BCL2: variants seen among roughly 807,000 people sequenced by gnomAD.
The protein encoded by BCL2 is apoptosis regulator Bcl-2.
In BCL2, 1 loss-of-function variant was observed where a neutral mutation model predicts 14.2. The observed-to-expected ratio is 0.07, with a 90% CI of 0.02 to 0.33. BCL2 has a LOEUF of 0.33. Ranked by LOEUF, BCL2 falls within the 10% of genes least tolerant of loss-of-function variation. BCL2 has a pLI of 0.99. For synonymous variants in BCL2, 151 were observed against 137.2 expected, an observed-to-expected ratio of 1.10 and a Z score of -0.70; for missense variants, 247 against 305.9, an observed-to-expected ratio of 0.81 and a Z score of 1.44.
intron 2 of BCL2, among the ~76,000 whole-genome samples, chr18:63,282,799 A>T (rs557814588): frequency 6.6e-6 from 1 of 152,320 alleles, no homozygotes; most frequent in African/African-American, 2.4e-5. Context: ...AGATATATAT[A>T]TCATAATAGC....
At chr18:63,243,538 A>C (rs1911072631) in intron 2 of BCL2, among the ~76,000 whole-genome samples, 2 of 152,206 alleles carry the variant, frequency 1.3e-5, no homozygotes, top group East Asian at 3.8e-4. Flanking sequence ...TAAAAATAAA[A>C]ATTAACATTA....
intron 2 of BCL2, chr18:63,314,888 G>C (rs1913448014): frequency 6.6e-6 from 1 of 152,126 alleles, no homozygotes; most frequent in Non-Finnish European, 1.5e-5. Context: ...AGAAGACTGG[G>C]CTTATAGTTG....
intron 2 of BCL2, among the ~76,000 whole-genome samples, chr18:63,184,898 G>A (rs748973223): frequency 6.6e-6 from 1 of 152,178 alleles, no homozygotes; most frequent in Non-Finnish European, 1.5e-5. Flanking sequence ...ACGACCCTGA[G>A]TTTTCCAGGG....
chr18:63,144,596 C>T (rs776198601), intron 2 of BCL2, among the ~76,000 whole-genome samples: 14 of 151,964 alleles, frequency 9.2e-5, no homozygotes, highest in East Asian at 1.9e-4. Context: ...TGACAGGGAA[C>T]GCTCAAGAAA....
At chr18:63,275,038 G>A (rs920966212) in intron 2 of BCL2, among the ~76,000 whole-genome samples, 1 of 151,830 alleles carries the variant, frequency 6.6e-6, no homozygotes, top group African/African-American at 2.4e-5. Context: ...GTATTTATTT[G>A]ACCACTATGG....
intron 2 of BCL2, among the ~76,000 whole-genome samples, chr18:63,179,101 C>T (rs559620977): frequency 1.5e-4 from 23 of 152,188 alleles, no homozygotes; most frequent in Non-Finnish European, 3.1e-4. Context: ...TTGGAGCAGA[C>T]TTCCTGAAGC....
intron 2 of BCL2, among the ~76,000 whole-genome samples, chr18:63,251,619 T>G (rs1911318861): frequency 6.9e-6 from 1 of 144,476 alleles, no homozygotes; most frequent in Non-Finnish European, 1.5e-5. Flanking sequence ...CACTCCAGCC[T>G]GGGTGACAGA....
Position 63,125,702 on chromosome 18 carries a change from G to A in BCL2, c.*2923C>T, listed in dbSNP as rs930658489. ...AAAAAAAAGAAGAGGAGAAAAAAAT[G>A]ACTAGTTGAGGCTTTTATATACATT... On this transcript the variant is annotated 3_prime_UTR_variant, in exon 3 of 3. Transcript: ENST00000333681. 1.4e-5 allele frequency: 3 copies of A among 213,186 alleles called. No homozygotes were observed. The highest frequency in any genetic ancestry group is 6.8e-5 in the African/African-American group (3 of 44,118). 13.2% of individuals were successfully genotyped at this position (213,186 alleles called of 1,614,324 possible). A position where few individuals can be genotyped will look rare whatever the true frequency, so the allele number is the denominator to read the frequency against.
intron 2 of BCL2, among the ~76,000 whole-genome samples, chr18:63,154,556 C>T (rs1184537265): frequency 6.6e-6 from 1 of 152,204 alleles, no homozygotes; most frequent in Non-Finnish European, 1.5e-5. Flanking sequence ...TCAGCTGCAG[C>T]CTCGTTCCTC....
chr18:63,306,378 G>A (rs1052754737), intron 2 of BCL2, among the ~76,000 whole-genome samples: 17 of 152,138 alleles, frequency 1.1e-4, no homozygotes, highest in Admixed American at 3.3e-4. Context: ...TTTCTCCCCC[G>A]TCTCATTAAC....
At chr18:63,178,533 G>C (rs1339629665) in intron 2 of BCL2, among the ~76,000 whole-genome samples, 2 of 152,242 alleles carry the variant, frequency 1.3e-5, no homozygotes, top group Admixed American at 1.3e-4. Context: ...AAAACTTCCT[G>C]GTTTCTTTGC....
chr18:63,164,398 A>G (rs1316139139), intron 2 of BCL2, among the ~76,000 whole-genome samples: 2 of 152,258 alleles, frequency 1.3e-5, no homozygotes, highest in East Asian at 3.8e-4. Flanking sequence ...GGTATGCCTG[A>G]GAACTCCAGA....
At chr18:63,312,453 C>T (rs1913358424) in intron 2 of BCL2, among the ~76,000 whole-genome samples, 1 of 152,186 alleles carries the variant, frequency 6.6e-6, no homozygotes, top group African/African-American at 2.4e-5. Context: ...TATATAAGAA[C>T]AACAAGTGAC....
At chr18:63,306,878 T>C (rs1479339745) in intron 2 of BCL2, among the ~76,000 whole-genome samples, 1 of 150,712 alleles carries the variant, frequency 6.6e-6, no homozygotes, top group African/African-American at 2.4e-5. Context: ...CTATCATTCG[T>C]GTTAGCGTAT....
Position 63,142,774 on chromosome 18 carries a change from T to A in BCL2, c.586-14015A>T, listed in dbSNP as rs879919923. On this transcript the variant is annotated intron_variant, in intron 2 of 2. Coordinates refer to ENST00000333681, the MANE Select transcript of BCL2 (RefSeq NM_000633.3). ...GTGGTGAACTCCTCAGTGAGCTCCA[T>A]ATGGGCATGCTAAGAAAAATCTGCT... Among the ~76,000 whole-genome samples the A allele has an allele frequency of 4.6e-5, 7 of 152,338 alleles. 1 individual carries two copies. The Middle Eastern group carries it at 0.01, about 222-fold the overall frequency.
chr18:63,221,129 A>G (rs1018388278), intron 2 of BCL2, among the ~76,000 whole-genome samples: 1 of 152,212 alleles, frequency 6.6e-6, no homozygotes, highest in Non-Finnish European at 1.5e-5. Context: ...CTTTTCCACT[A>G]ACTGGCCACG....
At chr18:63,295,214 AAGTGT>A (rs1380712909) in intron 2 of BCL2, among the ~76,000 whole-genome samples, 3 of 151,606 alleles carry the variant, frequency 2.0e-5, no homozygotes, top group Non-Finnish European at 4.4e-5. Context: ...AATTCATAGA[AAGTGT>A]AGGGACAAGG....
At chr18:63,178,146 A>G (rs1915393903) in intron 2 of BCL2, among the ~76,000 whole-genome samples, 1 of 152,196 alleles carries the variant, frequency 6.6e-6, no homozygotes, top group South Asian at 2.1e-4. Flanking sequence ...TATGGCAGAA[A>G]CTACCAGCTC....
chr18:63,296,062 T>G (rs1912787486), intron 2 of BCL2, among the ~76,000 whole-genome samples: 1 of 152,198 alleles, frequency 6.6e-6, no homozygotes, highest in South Asian at 2.1e-4. Context: ...AGGCTTTGAT[T>G]ACTGTGTTTT....
Sources: gnomAD v4.1 joint callset for allele counts (sites outside exome capture counted in the v4.1 genomes callset) on GRCh38, gnomAD v4.1.1 for gene constraint, MANE v1.5 for transcripts, NCBI Gene and HGNC (gene_info 2026-07-23, HGNC 2026-07-21) for gene names.